NMNAT2: variants seen among roughly 807,000 people sequenced by gnomAD.
The protein encoded by NMNAT2 is nicotinamide nucleotide adenylyltransferase 2, also known as nicotinamide/nicotinic acid mononucleotide adenylyltransferase 2.
In NMNAT2, 11 loss-of-function variants were observed where a neutral mutation model predicts 41.6. The ratio of observed to expected loss-of-function variants is 0.26; its 90% CI spans 0.17 to 0.44. The LOEUF (loss-of-function observed/expected upper bound fraction) is 0.44. NMNAT2 is among the 20% of genes least tolerant of loss of function. The pLI is 1.00. For synonymous variants in NMNAT2, 148 were observed against 151.2 expected (o/e 0.98, Z 0.16); for missense variants, 288 against 407.7 (o/e 0.71, Z 2.53).
chr1:183,385,918 C>T (rs1324137659), intron 1 of NMNAT2, among the ~76,000 whole-genome samples: 1 of 152,120 alleles, frequency 6.6e-6, no homozygotes. Context: ...GAAAGACAGA[C>T]AGGCAAGTCG....
rs550774737 is a variant in NMNAT2 at position 183,297,237 on chromosome 1, C to T, written c.86-3444G>A. Reference sequence around the variant, plus strand: ...ACCTGGAAACTGTTTCTGTAAAATGCCTTCTTTGCAAAGTTGTTGTGAGGA... The same window carrying T: ...ACCTGGAAACTGTTTCTGTAAAATGTCTTCTTTGCAAAGTTGTTGTGAGGA... On this transcript the variant is annotated intron_variant, in intron 1 of 10. Coordinates refer to ENST00000287713, the MANE Select transcript of NMNAT2 (RefSeq NM_015039.4). Among the ~76,000 whole-genome samples the T allele has an allele frequency of 8.0e-4, 121 of 151,790 alleles. 1 individual carries two copies. The highest frequency in any genetic ancestry group is 2.8e-3 in the African/African-American group (116 of 41,364).
At chr1:183,367,260 A>T (rs1047496984) in intron 1 of NMNAT2, among the ~76,000 whole-genome samples, 11 of 152,054 alleles carry the variant, frequency 7.2e-5, no homozygotes, top group Admixed American at 1.3e-4. Context: ...GAAGTTTGAG[A>T]CCAGCCTGAC....
At chr1:183,263,076 A>C (rs1180968123) in intron 8 of NMNAT2, among the ~76,000 whole-genome samples, 2 of 152,164 alleles carry the variant, frequency 1.3e-5, no homozygotes, top group Non-Finnish European at 2.9e-5. Flanking sequence ...GCACATTCTG[A>C]ATATTTCTGT....
At chr1:183,417,812 C>A (rs1356721914) in intron 1 of NMNAT2, among the ~76,000 whole-genome samples, 1 of 152,206 alleles carries the variant, frequency 6.6e-6, no homozygotes, top group East Asian at 1.9e-4. Flanking sequence ...CTCCCCTACT[C>A]GGCGCCCCAA....
At chr1:183,276,114 G>A (rs2102294985) in intron 8 of NMNAT2, among the ~76,000 whole-genome samples, 1 of 152,336 alleles carries the variant, frequency 6.6e-6, no homozygotes, top group South Asian at 2.1e-4. Context: ...GATTGGAAAT[G>A]GGATAGGAGA....
At chr1:183,343,868 G>T (rs572273880) in intron 1 of NMNAT2, among the ~76,000 whole-genome samples, 28 of 152,226 alleles carry the variant, frequency 1.8e-4, no homozygotes, top group Admixed American at 1.6e-3. Context: ...TCAGGATGGG[G>T]CCTCACCTCC....
rs149673296 is a variant in NMNAT2, at chr1:183,388,634, A to G, written c.85+29549T>C. On this transcript the variant is annotated intron_variant, in intron 1 of 10. Coordinates refer to ENST00000287713, the MANE Select transcript of NMNAT2 (RefSeq NM_015039.4). Reference sequence around the variant, plus strand: ...TCCTCAGTTCAATTATCTGTCTTTAATAAAGAAGACTCCTGTCAAAGTTAT... The same window carrying G: ...TCCTCAGTTCAATTATCTGTCTTTAGTAAAGAAGACTCCTGTCAAAGTTAT... Among the ~76,000 whole-genome samples, 157 of 152,364 alleles carry G rather than the reference A, an allele frequency of 1.0e-3. 2 individuals carry two copies. The East Asian group carries it at 0.019, about 19-fold the overall frequency.
At chr1:183,307,647 T>C (rs1662023828) in intron 1 of NMNAT2, among the ~76,000 whole-genome samples, 1 of 152,188 alleles carries the variant, frequency 6.6e-6, no homozygotes, top group Non-Finnish European at 1.5e-5. Flanking sequence ...TTCACCACAT[T>C]GGCTAGGCTG....
chr1:183,390,941 G>A (rs1460876143), intron 1 of NMNAT2, among the ~76,000 whole-genome samples: 3 of 152,150 alleles, frequency 2.0e-5, no homozygotes, highest in Admixed American at 2.0e-4. Flanking sequence ...TGAGTTTCAG[G>A]CAAAACTTAT....
intron 1 of NMNAT2, among the ~76,000 whole-genome samples, chr1:183,380,574 A>T (rs1663783378): frequency 6.6e-6 from 1 of 152,240 alleles, no homozygotes; most frequent in African/African-American, 2.4e-5. Context: ...CTATGGGAAT[A>T]TGAGAGAGGG....
chr1:183,385,260 C>T (rs931307913), intron 1 of NMNAT2, among the ~76,000 whole-genome samples: 6 of 151,856 alleles, frequency 4.0e-5, no homozygotes, highest in South Asian at 2.1e-4. Context: ...AATGAACATC[C>T]ACAGGTATAT....
intron 1 of NMNAT2, among the ~76,000 whole-genome samples, chr1:183,318,158 G>A (rs113909938): frequency 3.1e-4 from 47 of 152,214 alleles, no homozygotes; most frequent in African/African-American, 1.1e-3. Context: ...CCAGACATCC[G>A]GCCTAGGCTA....
chr1:183,258,362 G>A (rs1660571328), intron 10 of NMNAT2, among the ~76,000 whole-genome samples: 1 of 152,176 alleles, frequency 6.6e-6, no homozygotes, highest in African/African-American at 2.4e-5. Flanking sequence ...TGCATGCACT[G>A]CCCTTGAAAC....
intron 1 of NMNAT2, among the ~76,000 whole-genome samples, chr1:183,408,376 A>T (rs1015979142): frequency 6.6e-6 from 1 of 152,248 alleles, no homozygotes; most frequent in Admixed American, 6.5e-5. Context: ...TTATTTTATA[A>T]AATTTATATG....
intron 1 of NMNAT2, among the ~76,000 whole-genome samples, chr1:183,322,722 C>G (rs1278518893): frequency 3.3e-5 from 5 of 152,146 alleles, no homozygotes. Flanking sequence ...ATGAAATTTT[C>G]AGGACCACAC....
intron 1 of NMNAT2, among the ~76,000 whole-genome samples, chr1:183,406,802 T>TCTGGCC (rs988031402): frequency 2.1e-5 from 3 of 144,582 alleles, no homozygotes; most frequent in Non-Finnish European, 4.5e-5. Context: ...ACTCAACTGC[T>TCTGGCC]CTGCCATTCC....
At chr1:183,263,579 GAGGCCA>G (rs937932773) in intron 8 of NMNAT2, among the ~76,000 whole-genome samples, 3 of 152,176 alleles carry the variant, frequency 2.0e-5, no homozygotes, top group Non-Finnish European at 4.4e-5. Context: ...AGCACTTTGG[GAGGCCA>G]AGGCGGGTGG....
chr1:183,350,989 G>A (rs1663034023), intron 1 of NMNAT2, among the ~76,000 whole-genome samples: 1 of 152,146 alleles, frequency 6.6e-6, no homozygotes, highest in Non-Finnish European at 1.5e-5. Flanking sequence ...ATGTCGCCAT[G>A]GAATCTTGTG....
chr1:183,274,024 TGC>T, intron 8 of NMNAT2, among the ~76,000 whole-genome samples: 1 of 151,966 alleles, frequency 6.6e-6, no homozygotes, highest in African/African-American at 2.4e-5. Context: ...GCAATTCCCC[TGC>T]CTCAGCCACC....
Sources: gnomAD v4.1 joint callset for allele counts (sites outside exome capture counted in the v4.1 genomes callset) on GRCh38, gnomAD v4.1.1 for gene constraint, MANE v1.5 for transcripts, NCBI Gene and HGNC (gene_info 2026-07-23, HGNC 2026-07-21) for gene names.